Variants in VRK2 observed in about 807,000 individuals in gnomAD.
VRK2 encodes the protein serine/threonine-protein kinase VRK2.
Under a neutral mutation model 57.6 loss-of-function variants are expected in VRK2, and 60 were observed. The observed-to-expected ratio is 1.04, with a 90% CI of 0.85 to 1.29. The LOEUF (loss-of-function observed/expected upper bound fraction) is 1.29, where lower values mean the gene tolerates loss of function less well. Among genes scored for constraint, VRK2 ranks in the 50% most tolerant of loss-of-function variants. The pLI is 0.00. For synonymous variants in VRK2, 231 were observed against 199.2 expected, an observed-to-expected ratio of 1.16 and a Z score of -1.35; for missense variants, 705 against 588.1, an observed-to-expected ratio of 1.20 and a Z score of -2.06.
At chr2:58,021,934 C>T (rs1418291057) in intron 1 of VRK2, among the ~76,000 whole-genome samples, 1 of 152,188 alleles carries the variant, frequency 6.6e-6, no homozygotes, top group Non-Finnish European at 1.5e-5. Context: ...ATACTTCATA[C>T]CCTGTTTAGG....
intron 7 of VRK2, among the ~76,000 whole-genome samples, chr2:58,122,655 C>T (rs932771761): frequency 6.6e-6 from 1 of 152,080 alleles, no homozygotes; most frequent in African/African-American, 2.4e-5. Flanking sequence ...GCAGTTCAAA[C>T]CCATGTTGTT....
rs1267930252 is a variant in VRK2, at chr2:57,977,972, GA to G, written c.-438-47692del. 2.0e-5 allele frequency among the ~76,000 whole-genome samples: 3 copies of G among 151,206 alleles called. No individual in the cohort carries two copies. The East Asian group carries it at 5.8e-4, about 29-fold the overall frequency. Reference sequence around the variant, plus strand: ...AAGCCCTTTCTGCATCTATTGAGATGATCGTGTGACTTTTGTTTTTATTTCT... The same window carrying G: ...AAGCCCTTTCTGCATCTATTGAGATGTCGTGTGACTTTTGTTTTTATTTCT... On this transcript the variant is annotated intron_variant, in intron 1 of 15. Coordinates refer to the VRK2 transcript ENST00000417641.
intron 1 of VRK2, among the ~76,000 whole-genome samples, chr2:58,001,215 C>T (rs901827834): frequency 6.6e-6 from 1 of 152,156 alleles, no homozygotes; most frequent in South Asian, 2.1e-4. Context: ...ATGCCTTCAT[C>T]CATGAAGAAT....
intron 9 of VRK2, 81 bp downstream of exon 9, chr2:58,132,009 A>G: frequency 1.3e-6 from 2 of 1,526,928 alleles, no homozygotes; most frequent in South Asian, 1.3e-5. Flanking sequence ...CACAGAGAAG[A>G]TTGGCATTCA....
rs1301366425 is a variant in VRK2, at chr2:58,159,475, A to G, written c.1309A>G (p.Thr437Ala). The G allele has an allele frequency of 1.9e-6, 3 of 1,613,624 alleles. No homozygotes were observed. Among genetic ancestry groups the G allele is most frequent in the Admixed American group, 3.3e-5 (2 of 59,952 alleles). The change falls in exon 13 of 13, where the codon ACC (threonine) becomes GCC (alanine). Residue 437 changes from threonine (T) to alanine (A), a missense_variant. Coordinates refer to ENST00000340157, the MANE Select transcript of VRK2 (RefSeq NM_006296.7). The stretch of plus-strand genomic sequence containing the variant: ...ATTTTATGAGCCTCATCAAGATTTT[A>G]CCAGTCCAGATATATTCAAGAAGTC... Reference protein sequence around the residue: ...NSFYEPHQDFTSPDIFKKSRS... With the variant: ...NSFYEPHQDFASPDIFKKSRS...
intron 1 of VRK2, among the ~76,000 whole-genome samples, chr2:57,951,572 A>G (rs564682272): frequency 6.6e-6 from 1 of 152,330 alleles, no homozygotes; most frequent in Non-Finnish European, 1.5e-5. Context: ...TTTAATGAAA[A>G]GAAGAGTCAA....
intron 2 of VRK2, among the ~76,000 whole-genome samples, chr2:58,057,891 G>T (rs1190293182): frequency 6.6e-6 from 1 of 151,932 alleles, no homozygotes; most frequent in Admixed American, 6.6e-5. Context: ...AGACAGCAGT[G>T]CTGCAAAGGA....
intron 2 of VRK2, among the ~76,000 whole-genome samples, chr2:58,082,282 T>C (rs557050972): frequency 6.6e-6 from 1 of 152,064 alleles, no homozygotes; most frequent in East Asian, 1.9e-4. Context: ...ATCTTTTTTT[T>C]CCAGTGGTAA....
At chr2:57,978,443 G>A (rs530997374) in intron 1 of VRK2, among the ~76,000 whole-genome samples, 1 of 150,782 alleles carries the variant, frequency 6.6e-6, no homozygotes, top group Non-Finnish European at 1.5e-5. Context: ...GACCTAAAAA[G>A]CCAGTCACTT....
chr2:58,122,855 A>G (rs1677726418), intron 7 of VRK2, among the ~76,000 whole-genome samples: 1 of 152,200 alleles, frequency 6.6e-6, no homozygotes, highest in South Asian at 2.1e-4. Context: ...TTAGGAGCAA[A>G]ATAAAAAGAT....
chr2:57,984,845 G>C (rs1267788451), intron 1 of VRK2, among the ~76,000 whole-genome samples: 2 of 151,814 alleles, frequency 1.3e-5, no homozygotes, highest in South Asian at 2.1e-4. Context: ...TTATTAAAAG[G>C]GATCATTATA....
At chr2:58,095,139 C>A (rs1672949507) in intron 7 of VRK2, among the ~76,000 whole-genome samples, 1 of 151,918 alleles carries the variant, frequency 6.6e-6, no homozygotes. Context: ...ACTAAAAATA[C>A]AAAAATTATC....
intron 1 of VRK2, among the ~76,000 whole-genome samples, chr2:58,006,283 T>G (rs1447619188): frequency 2.0e-5 from 3 of 152,144 alleles, no homozygotes. Flanking sequence ...CTTTGGCAGT[T>G]AGGAGGGATT....
rs111710003 is a variant in VRK2 at position 57,981,585 on chromosome 2, T to C, written c.-438-44080T>C. ...TTTATGATTTGCATGCCAACCTCTG[T>C]GGTGAGACTGAGGAAGTTTTTGTGG... is the stretch of plus-strand genomic sequence containing the variant. On this transcript the variant is annotated intron_variant, in intron 1 of 15. Transcript: ENST00000417641. 1.8e-4 allele frequency among the ~76,000 whole-genome samples: 27 copies of C among 152,350 alleles called. 1 individual carries two copies. The highest frequency in any genetic ancestry group is 6.0e-4 in the African/African-American group (25 of 41,586).
intron 10 of VRK2, among the ~76,000 whole-genome samples, chr2:58,137,159 T>TATC (rs1553422312): frequency 2.8e-5 from 2 of 71,834 alleles, no homozygotes; most frequent in East Asian, 3.9e-4. Flanking sequence ...CATGTGTTTA[T>TATC]ATATATCATA....
chr2:57,988,554 C>G (rs1191074913), intron 1 of VRK2, among the ~76,000 whole-genome samples: 1 of 152,220 alleles, frequency 6.6e-6, no homozygotes, highest in Non-Finnish European at 1.5e-5. Flanking sequence ...TCATCCAATC[C>G]ATCCAGCATC....
chr2:58,070,283 C>T (rs80262086), intron 2 of VRK2, among the ~76,000 whole-genome samples: 1 of 152,086 alleles, frequency 6.6e-6, no homozygotes, highest in Non-Finnish European at 1.5e-5. Flanking sequence ...CTCCTAGGCT[C>T]AAGTGATCCT....
chr2:58,080,414 A>T (rs1409942002), intron 2 of VRK2, among the ~76,000 whole-genome samples: 2 of 151,990 alleles, frequency 1.3e-5, no homozygotes, highest in African/African-American at 4.8e-5. Context: ...GTTTCAATGT[A>T]TTTATTGTCT....
intron 12 of VRK2, among the ~76,000 whole-genome samples, chr2:58,151,731 G>GTTTT: frequency 6.0e-5 from 1 of 16,722 alleles, no homozygotes; most frequent in African/African-American, 1.3e-4. Flanking sequence ...TTCTATGCTT[G>GTTTT]TTTTTTTTTT....
Sources: allele counts gnomAD v4.1 joint callset (sites outside exome capture counted in the v4.1 genomes callset), GRCh38; gene constraint gnomAD v4.1.1; transcripts MANE v1.5; gene names NCBI Gene and HGNC (gene_info 2026-07-23, HGNC 2026-07-21).